The following EPHB1 variants were observed in gnomAD, a reference collection of about 807,000 sequenced individuals.
EPHB1 encodes the protein ephrin type-B receptor 1.
In EPHB1, 30 loss-of-function variants were observed where a neutral mutation model predicts 94.4. That is an observed-to-expected ratio of 0.32 (90% CI 0.24 to 0.43). The LOEUF (loss-of-function observed/expected upper bound fraction) is 0.43. EPHB1 is among the 20% of genes least tolerant of loss of function. The pLI is 1.00. For synonymous variants in EPHB1, 522 were observed against 489.1 expected (o/e 1.07, Z -0.89); for missense variants, 1,055 against 1,308.3 (o/e 0.81, Z 2.99).
At chr3:135,057,951 T>A (rs976332480) in intron 3 of EPHB1, among the ~76,000 whole-genome samples, 3 of 152,310 alleles carry the variant, frequency 2.0e-5, no homozygotes, top group African/African-American at 7.2e-5. Flanking sequence ...AAAATCACAT[T>A]TGATCAGCTG....
At chr3:135,049,280 A>G (rs1486443579) in intron 3 of EPHB1, among the ~76,000 whole-genome samples, 1 of 152,210 alleles carries the variant, frequency 6.6e-6, no homozygotes, top group East Asian at 1.9e-4. Context: ...GCTAAAAACA[A>G]CGTTAATCAT....
intron 1 of EPHB1, among the ~76,000 whole-genome samples, chr3:134,899,024 C>T (rs1055719811): frequency 2.6e-5 from 4 of 152,134 alleles, no homozygotes; most frequent in Admixed American, 6.5e-5. Flanking sequence ...TGTGTCAGTT[C>T]TTGATTGTCT....
chr3:134,805,552 C>T (rs2036027096), intron 1 of EPHB1, among the ~76,000 whole-genome samples: 1 of 152,126 alleles, frequency 6.6e-6, no homozygotes, highest in Non-Finnish European at 1.5e-5. Context: ...CCCTCCTGCC[C>T]AGCAGCACTT....
At chr3:135,060,606 GT>G (rs934946496) in intron 3 of EPHB1, among the ~76,000 whole-genome samples, 63 of 151,870 alleles carry the variant, frequency 4.1e-4, no homozygotes, top group Non-Finnish European at 4.4e-4. Flanking sequence ...TTATCAGACA[GT>G]TTTTTTTATG....
In EPHB1 at chr3:134,935,448, C is replaced by T. The variant is rs187262468; in HGVS notation, c.123+9568C>T. On this transcript the variant is annotated intron_variant, in intron 2 of 15. Coordinates refer to ENST00000398015, the MANE Select transcript of EPHB1 (RefSeq NM_004441.5). ...ATAAGTTGGCCAAAATCCCACTATA[C>T]TTTCAATAGTATGAAGGATCATGCC... Among the ~76,000 whole-genome samples, 196 of 152,324 alleles carry T rather than the reference C, an allele frequency of 1.3e-3. 3 individuals are homozygous for T. The highest frequency in any genetic ancestry group is 1.6e-4 in the Non-Finnish European group (11 of 68,026).
chr3:135,236,661 A>G (rs1486994971), intron 12 of EPHB1, among the ~76,000 whole-genome samples: 1 of 152,156 alleles, frequency 6.6e-6, no homozygotes, highest in Non-Finnish European at 1.5e-5. Context: ...CCATGAACCT[A>G]TCACTTCCAA....
intron 1 of EPHB1, among the ~76,000 whole-genome samples, chr3:134,894,760 A>T (rs774422509): frequency 2.6e-5 from 4 of 152,180 alleles, no homozygotes; most frequent in Non-Finnish European, 5.9e-5. Flanking sequence ...AGAAGGTAGG[A>T]TTTTCTCTGC....
chr3:134,858,997 C>T (rs2037186211), intron 1 of EPHB1, among the ~76,000 whole-genome samples: 1 of 152,244 alleles, frequency 6.6e-6, no homozygotes, highest in East Asian at 1.9e-4. Context: ...ACCCTGCCCT[C>T]ACGGTGACTG....
chr3:134,963,337 T>G (rs1289945275), intron 3 of EPHB1, among the ~76,000 whole-genome samples: 1 of 152,146 alleles, frequency 6.6e-6, no homozygotes, highest in African/African-American at 2.4e-5. Context: ...GGCAAACAGC[T>G]GATATTTGAA....
intron 3 of EPHB1, among the ~76,000 whole-genome samples, chr3:134,964,027 CA>C (rs151036801): frequency 0.013 from 1,919 of 152,316 alleles, 30 homozygotes; most frequent in African/African-American, 0.042. Context: ...CTAAGCTCCT[CA>C]GGGGCAGTGG....
intron 1 of EPHB1, among the ~76,000 whole-genome samples, chr3:134,805,795 C>T (rs78353324): frequency 0.025 from 3,834 of 152,250 alleles, 74 homozygotes; most frequent in Non-Finnish European, 0.038. Context: ...CCACAGTGAT[C>T]GCTTCCTCCT....
intron 3 of EPHB1, among the ~76,000 whole-genome samples, chr3:134,988,471 C>G (rs1256670849): frequency 6.6e-6 from 1 of 152,088 alleles, no homozygotes; most frequent in Non-Finnish European, 1.5e-5. Context: ...ATAAGCAGAA[C>G]TAATGACTGT....
At chr3:134,823,056 C>A (rs569663316) in intron 1 of EPHB1, among the ~76,000 whole-genome samples, 21 of 152,268 alleles carry the variant, frequency 1.4e-4, no homozygotes, top group African/African-American at 5.1e-4. Flanking sequence ...ACAGGACCAC[C>A]CAGCCTACTC....
Position 134,956,232 on chromosome 3 carries a change from T to C in EPHB1, c.805+4180T>C, listed in dbSNP as rs1933264930. On this transcript the variant is annotated intron_variant, in intron 3 of 15. Transcript: ENST00000398015. ...AGGCAGAGAAGATATGACTGTCATA[T>C]CTTCTGTGACAACCCCTGAGTGGCC... is the stretch of plus-strand genomic sequence containing the variant. Among the ~76,000 whole-genome samples, 4 of 152,000 alleles carry C rather than the reference T, an allele frequency of 2.6e-5. No individual in the cohort carries two copies. In the South Asian group the frequency reaches 8.3e-4, roughly 32 times the overall value.
chr3:135,081,649 C>G (rs909653473), intron 3 of EPHB1, among the ~76,000 whole-genome samples: 7 of 152,150 alleles, frequency 4.6e-5, no homozygotes, highest in African/African-American at 1.7e-4. Context: ...AGGAGTGCTT[C>G]TTATTGGTGG....
At chr3:135,067,593 A>G (rs1475487722) in intron 3 of EPHB1, 1 of 152,282 alleles carries the variant, frequency 6.6e-6, no homozygotes, top group Non-Finnish European at 1.5e-5. Context: ...AAGGAGGGCT[A>G]AGAACTTGCC....
At position 135,098,534 on chromosome 3, in the gene EPHB1, CTTCT is replaced by C. The variant is rs533867048; in HGVS notation, c.806-7904_806-7901del. Among the ~76,000 whole-genome samples the C allele has an allele frequency of 6.6e-5, 10 of 152,272 alleles. No individual in the cohort carries two copies. In the East Asian group the frequency reaches 9.6e-4, roughly 15 times the overall value. ...TAAGTTCCTCCCTCTCCCTTTCTCT[CTTCT>C]TTCTTTCTTCCCTATTATAAATAAC... On this transcript the variant is annotated intron_variant, in intron 3 of 15. Coordinates refer to ENST00000398015, the MANE Select transcript of EPHB1 (RefSeq NM_004441.5).
At chr3:134,871,912 C>G (rs4955510) in intron 1 of EPHB1, among the ~76,000 whole-genome samples, 83,516 of 152,096 alleles carry the variant, frequency 0.55, 25,679 homozygotes, top group East Asian at 0.8. Flanking sequence ...TCCAGAGGCT[C>G]TGAAATGGAG....
intron 2 of EPHB1, among the ~76,000 whole-genome samples, chr3:134,927,394 G>T (rs1279836765): frequency 6.6e-6 from 1 of 152,244 alleles, no homozygotes; most frequent in Admixed American, 6.5e-5. Flanking sequence ...CTAAAGCAGG[G>T]AGCAGGGACA....
Sources: gnomAD v4.1 joint callset for allele counts (sites outside exome capture counted in the v4.1 genomes callset) on GRCh38, gnomAD v4.1.1 for gene constraint, MANE v1.5 for transcripts, NCBI Gene and HGNC (gene_info 2026-07-23, HGNC 2026-07-21) for gene names.